Variants in MICAL2 observed in about 807,000 individuals in gnomAD.
MICAL2 encodes the protein [F-actin]-monooxygenase MICAL2.
MICAL2 carries 77 observed loss-of-function variants against 127.3 expected under a neutral mutation model. The observed-to-expected ratio is 0.60, with a 90% CI of 0.50 to 0.73. MICAL2 has a LOEUF of 0.73. Ranked by LOEUF, MICAL2 falls within the 30% of genes least tolerant of loss-of-function variation. The pLI, the probability that MICAL2 is intolerant of heterozygous loss-of-function variation, is 0.00. For synonymous variants in MICAL2, 570 were observed against 551.1 expected, an observed-to-expected ratio of 1.03 and a Z score of -0.48; for missense variants, 1,351 against 1,434.4, an observed-to-expected ratio of 0.94 and a Z score of 0.94.
chr11:12,345,433 A>C lies in MICAL2; in HGVS notation c.5516-4405A>C, dbSNP rs574786875. ...CAAAGGCTGAGAAAGGTCCCTAATG[A>C]TGTGCCAGATGGCTGTCTTCCATGT... On this transcript the variant is annotated intron_variant, in intron 32 of 34. Transcript: ENST00000646065. 5.3e-5 allele frequency among the ~76,000 whole-genome samples: 8 copies of C among 152,326 alleles called. No individual in the cohort carries two copies. The South Asian group carries it at 1.7e-3, about 32-fold the overall frequency.
At chr11:12,146,519 C>T (rs1852923107) in intron 2 of MICAL2, among the ~76,000 whole-genome samples, 1 of 152,242 alleles carries the variant, frequency 6.6e-6, no homozygotes, top group Non-Finnish European at 1.5e-5. Context: ...GAGATACCAT[C>T]TCACACCAGT....
chr11:12,137,263 C>T (rs1434016105), intron 1 of MICAL2, among the ~76,000 whole-genome samples: 1 of 132,786 alleles, frequency 7.5e-6, no homozygotes, highest in Non-Finnish European at 1.6e-5. Flanking sequence ...GCTCGCCAGG[C>T]TCGCCCGGTG....
intron 3 of MICAL2, among the ~76,000 whole-genome samples, chr11:12,192,560 T>C (rs1006754303): frequency 1.3e-5 from 2 of 152,098 alleles, no homozygotes; most frequent in African/African-American, 4.8e-5. Flanking sequence ...GGTGAATCAC[T>C]TGAAGTCAGG....
intron 2 of MICAL2, among the ~76,000 whole-genome samples, chr11:12,285,782 G>A (rs1863819992): frequency 6.6e-6 from 1 of 152,188 alleles, no homozygotes; most frequent in South Asian, 2.1e-4. Context: ...ATCTAGGACT[G>A]TTTCTAGACA....
chr11:12,205,290 T>C (rs576633328), intron 4 of MICAL2, among the ~76,000 whole-genome samples: 104 of 152,210 alleles, frequency 6.8e-4, no homozygotes, highest in African/African-American at 2.4e-3. Context: ...AGCTTTGCAG[T>C]GGGGAGGTCT....
At chr11:12,305,900 A>G (rs1864104380) in intron 29 of MICAL2, among the ~76,000 whole-genome samples, 1 of 152,080 alleles carries the variant, frequency 6.6e-6, no homozygotes, top group South Asian at 2.1e-4. Context: ...ATGGTTTTTA[A>G]TTGATTAAAG....
intron 1 of MICAL2, among the ~76,000 whole-genome samples, chr11:12,119,125 T>C (rs1281126140): frequency 6.6e-6 from 1 of 152,084 alleles, no homozygotes; most frequent in Admixed American, 6.5e-5. Flanking sequence ...CCCTGAACCC[T>C]CTTCTCCGTT....
intron 31 of MICAL2, among the ~76,000 whole-genome samples, chr11:12,325,233 C>T (rs1320813830): frequency 6.6e-6 from 1 of 152,144 alleles, no homozygotes; most frequent in Non-Finnish European, 1.5e-5. Context: ...CCTCAGCCTC[C>T]TGAGTAGCTG....
intron 20 of MICAL2, chr11:12,243,065 T>A (rs1285815333): frequency 2.0e-5 from 5 of 248,706 alleles, no homozygotes; most frequent in Non-Finnish European, 3.8e-5. Context: ...CTAGGTATTT[T>A]CCAAGCAGGC....
chr11:12,171,746 A>G (rs753910487), intron 3 of MICAL2, among the ~76,000 whole-genome samples: 12 of 152,244 alleles, frequency 7.9e-5, no homozygotes, highest in Non-Finnish European at 1.3e-4. Flanking sequence ...CTGGAGGTTC[A>G]GTAGCTATAT....
At chr11:12,277,168 G>A (rs1298747100) in intron 1 of MICAL2, among the ~76,000 whole-genome samples, 1 of 152,078 alleles carries the variant, frequency 6.6e-6, no homozygotes, top group Non-Finnish European at 1.5e-5. Context: ...GTTCTGCTCT[G>A]GAGCCTGCGT....
chr11:12,313,021 A>G (rs1298940181), intron 29 of MICAL2, among the ~76,000 whole-genome samples: 2 of 152,074 alleles, frequency 1.3e-5, no homozygotes, highest in Non-Finnish European at 2.9e-5. Flanking sequence ...TACAAAAATT[A>G]GCAGGGCGGC....
intron 3 of MICAL2, among the ~76,000 whole-genome samples, chr11:12,200,810 C>T (rs1435983591): frequency 6.6e-6 from 1 of 152,206 alleles, no homozygotes; most frequent in African/African-American, 2.4e-5. Context: ...ATGGCAGCTC[C>T]CTGACTGGTG....
At chr11:12,128,134 G>A (rs757935957) in intron 1 of MICAL2, among the ~76,000 whole-genome samples, 12 of 152,128 alleles carry the variant, frequency 7.9e-5, no homozygotes, top group Non-Finnish European at 1.5e-4. Context: ...AAATAATGGC[G>A]CTTTTCAGGA....
At chr11:12,290,843 A>T (rs1863888849), downstream of MICAL2, among the ~76,000 whole-genome samples, 1 of 152,180 alleles carries the variant, frequency 6.6e-6, no homozygotes, top group African/African-American at 2.4e-5. Context: ...AGGACAGAAT[A>T]TCGAGAACGG....
downstream of MICAL2, chr11:12,292,360 C>T (rs1316953196): frequency 3.9e-6 from 6 of 1,547,566 alleles, no homozygotes; most frequent in African/African-American, 5.5e-5. Flanking sequence ...CTCTTCCCAC[C>T]TTCCACACTT....
At chr11:12,217,393 A>T (rs1338358710) in intron 8 of MICAL2, among the ~76,000 whole-genome samples, 1 of 152,120 alleles carries the variant, frequency 6.6e-6, no homozygotes. Flanking sequence ...TGAGTTGTAG[A>T]CGGAGGCTGT....
At chr11:12,215,158 A>ACCCAC (rs1167697397) in intron 7 of MICAL2, among the ~76,000 whole-genome samples, 1 of 152,226 alleles carries the variant, frequency 6.6e-6, no homozygotes, top group Non-Finnish European at 1.5e-5. Context: ...CTCAATATAA[A>ACCCAC]TGAGAGCAGG....
chr11:12,113,841 G>A (rs892753383), intron 1 of MICAL2, among the ~76,000 whole-genome samples: 5 of 150,580 alleles, frequency 3.3e-5, no homozygotes, highest in African/African-American at 1.0e-4. Flanking sequence ...CTGAGATGAG[G>A]GGGGGCTACA....
Sources: allele counts gnomAD v4.1 joint callset (sites outside exome capture counted in the v4.1 genomes callset), GRCh38; gene constraint gnomAD v4.1.1; transcripts MANE v1.5; gene names NCBI Gene and HGNC (gene_info 2026-07-23, HGNC 2026-07-21).